The following ADAMTS2 variants were observed in gnomAD, a reference collection of about 807,000 sequenced individuals.
The protein encoded by ADAMTS2 is ADAM metallopeptidase with thrombospondin type 1 motif 2.
A neutral mutation model predicts 123.0 loss-of-function variants in ADAMTS2; 50 were observed. The ratio of observed to expected loss-of-function variants is 0.41; its 90% confidence interval spans 0.32 to 0.51. ADAMTS2 has a LOEUF of 0.51. Among genes scored for constraint, ADAMTS2 ranks in the 20% least tolerant of loss-of-function variants. The pLI, the probability that ADAMTS2 is intolerant of heterozygous loss-of-function variation, is 0.35. For missense variants in ADAMTS2, 1,494 were observed against 1,705.2 expected (o/e 0.88, Z 2.18); for synonymous variants, 678 against 695.4 (o/e 0.98, Z 0.39).
At chr5:179,209,321 G>A (rs931086366) in intron 3 of ADAMTS2, among the ~76,000 whole-genome samples, 1 of 152,242 alleles carries the variant, frequency 6.6e-6, no homozygotes, top group Non-Finnish European at 1.5e-5. Flanking sequence ...TGAACATGAA[G>A]TTTCAGGCAC....
intron 3 of ADAMTS2, among the ~76,000 whole-genome samples, chr5:179,212,386 A>ACAGGC (rs1764876769): frequency 3.0e-5 from 3 of 101,666 alleles, no homozygotes; most frequent in African/African-American, 4.0e-5. Flanking sequence ...GTGGGCAGGC[A>ACAGGC]TGGGCTCTGT....
chr5:179,319,193 G>A (rs886324817), intron 2 of ADAMTS2, among the ~76,000 whole-genome samples: 3 of 146,752 alleles, frequency 2.0e-5, no homozygotes, highest in East Asian at 1.9e-4. Flanking sequence ...CCATGCAGAC[G>A]CATGCACACA....
In ADAMTS2 at chr5:179,317,263, G is replaced by A. The variant is rs947369129; in HGVS notation, c.534+26504C>T. On this transcript the variant is annotated intron_variant, in intron 2 of 21. Coordinates refer to ENST00000251582, the MANE Select transcript of ADAMTS2 (RefSeq NM_014244.5). The surrounding 1 kb of genome is among the most constrained non-coding windows in gnomAD (Gnocchi z 4.9). ...TTGGTAGTTCCTCATAAATCCATGC[G>A]TAGGTCTGGCTACAGCTATCCTTGT... 2.6e-5 allele frequency among the ~76,000 whole-genome samples: 4 copies of A among 152,182 alleles called. No individual in the cohort carries two copies. Among genetic ancestry groups the A allele is most frequent in the Non-Finnish European group, 5.9e-5 (4 of 68,042 alleles).
chr5:179,127,911 G>C (rs528937903), intron 17 of ADAMTS2, 48 bp downstream of exon 17: 1 of 1,609,836 alleles, frequency 6.2e-7, no homozygotes, highest in African/African-American at 1.3e-5. Context: ...CTACCTTCTC[G>C]TGGTCACCCT....
At chr5:179,203,535 C>T (rs902737650) in intron 4 of ADAMTS2, among the ~76,000 whole-genome samples, 2 of 152,204 alleles carry the variant, frequency 1.3e-5, no homozygotes, top group African/African-American at 4.8e-5. Context: ...TGGTTCGAGG[C>T]CCCCATAGCA....
intron 3 of ADAMTS2, among the ~76,000 whole-genome samples, chr5:179,216,625 G>A (rs997729679): frequency 6.6e-6 from 1 of 152,242 alleles, no homozygotes; most frequent in African/African-American, 2.4e-5. Flanking sequence ...TCAGTTCCCG[G>A]AGAAGCAGAA....
At chr5:179,219,944 G>A (rs1220913913) in intron 3 of ADAMTS2, among the ~76,000 whole-genome samples, 1 of 152,176 alleles carries the variant, frequency 6.6e-6, no homozygotes, top group Admixed American at 6.5e-5. Context: ...CGGGGGTCTC[G>A]GGGCCTTCAG....
chr5:179,183,070 G>A (rs1304360475), intron 4 of ADAMTS2, among the ~76,000 whole-genome samples: 4 of 152,176 alleles, frequency 2.6e-5, no homozygotes, highest in East Asian at 1.9e-4. Flanking sequence ...ACAATGAAAC[G>A]GTTTTTCATT....
chr5:179,255,962 C>CCTGGGG (rs1766041150), intron 3 of ADAMTS2, among the ~76,000 whole-genome samples: 3 of 152,164 alleles, frequency 2.0e-5, no homozygotes, highest in Non-Finnish European at 4.4e-5. Context: ...CCACTGGCTG[C>CCTGGGG]TCTGGTAGGC....
chr5:179,170,470 G>T lies in ADAMTS2; in HGVS notation c.975+10602C>A, dbSNP rs781242654. ...GCCATGCTAAAATTCTTCTAGAGAC[G>T]GGGGCCTCATTCCTTGACGGGAAGC... On this transcript the variant is annotated intron_variant, in intron 5 of 21. Transcript: ENST00000251582. The surrounding 1 kb of genome is among the most constrained non-coding windows in gnomAD (Gnocchi z 4.3). 6.6e-6 allele frequency among the ~76,000 whole-genome samples: 1 copy of T among 152,016 alleles called. No individual in the cohort carries two copies. The highest frequency in any genetic ancestry group is 1.5e-5 in the Non-Finnish European group (1 of 68,002).
intron 5 of ADAMTS2, among the ~76,000 whole-genome samples, chr5:179,173,213 TA>T (rs1763860728): frequency 7.6e-5 from 1 of 13,104 alleles, no homozygotes; most frequent in Admixed American, 1.3e-3. Flanking sequence ...CCCCATCTCT[TA>T]ATAATAATAA....
At chr5:179,151,900 G>A (rs1289142454) in intron 10 of ADAMTS2, among the ~76,000 whole-genome samples, 1 of 152,192 alleles carries the variant, frequency 6.6e-6, no homozygotes, top group Non-Finnish European at 1.5e-5. Flanking sequence ...CCTGAGTGGG[G>A]GGCATGAAGC....
chr5:179,190,194 G>T (rs1163061045), intron 4 of ADAMTS2, among the ~76,000 whole-genome samples: 3 of 152,190 alleles, frequency 2.0e-5, no homozygotes, highest in Admixed American at 1.3e-4. Flanking sequence ...TGAAATAGTG[G>T]TGAAGTGTTG....
chr5:179,147,668 C>T (rs1220711628), intron 10 of ADAMTS2, among the ~76,000 whole-genome samples: 2 of 152,130 alleles, frequency 1.3e-5, no homozygotes, highest in African/African-American at 2.4e-5. Context: ...TACTATTACA[C>T]CTGGACAGAC....
intron 2 of ADAMTS2, among the ~76,000 whole-genome samples, chr5:179,329,065 T>A (rs6892617): frequency 1.3e-5 from 2 of 152,008 alleles, no homozygotes; most frequent in Non-Finnish European, 1.5e-5. Context: ...CAGTGGCTCA[T>A]GCCTGCAATC....
At chr5:179,173,750 C>T (rs976193479) in intron 5 of ADAMTS2, among the ~76,000 whole-genome samples, 7 of 152,156 alleles carry the variant, frequency 4.6e-5, no homozygotes, top group South Asian at 2.1e-4. Context: ...TGCGGTGGCT[C>T]GCGCCCCATA....
At chr5:179,147,245 T>C (rs1763267192) in intron 10 of ADAMTS2, among the ~76,000 whole-genome samples, 3 of 152,146 alleles carry the variant, frequency 2.0e-5, no homozygotes, top group South Asian at 2.1e-4. Flanking sequence ...TGCGCCACCA[T>C]GCCTGGCTAA....
chr5:179,223,277 C>T (rs1372631565), intron 3 of ADAMTS2, among the ~76,000 whole-genome samples: 3 of 151,804 alleles, frequency 2.0e-5, no homozygotes, highest in Admixed American at 6.6e-5. Flanking sequence ...CACACGAATG[C>T]ACTCATACAC....
intron 10 of ADAMTS2, among the ~76,000 whole-genome samples, chr5:179,148,393 C>T (rs550291533): frequency 2.0e-5 from 3 of 152,198 alleles, no homozygotes; most frequent in Non-Finnish European, 4.4e-5. Context: ...GTCCCCTTTC[C>T]TGCAGACAGC....
Sources: allele counts gnomAD v4.1 joint callset (sites outside exome capture counted in the v4.1 genomes callset), GRCh38; gene constraint gnomAD v4.1.1; non-coding constraint Gnocchi (gnomAD v3.1); transcripts MANE v1.5; gene names NCBI Gene and HGNC (gene_info 2026-07-23, HGNC 2026-07-21).